SLC8A1: variants seen among roughly 807,000 people sequenced by gnomAD.
SLC8A1 encodes solute carrier family 8 member A1.
In SLC8A1, 18 loss-of-function variants were observed where a neutral mutation model predicts 68.3. The ratio of observed to expected loss-of-function variants is 0.26; its 90% CI spans 0.18 to 0.39. SLC8A1 has a LOEUF of 0.39. Among genes scored for constraint, SLC8A1 ranks in the 10% least tolerant of loss-of-function variants. The probability of loss-of-function intolerance (pLI) is 1.00; values close to 1 mark genes in which losing one functional copy is unlikely to be tolerated. For missense variants in SLC8A1, 985 were observed against 1,156.7 expected, an observed-to-expected ratio of 0.85 and a Z score of 2.15; for synonymous variants, 475 against 415.5, an observed-to-expected ratio of 1.14 and a Z score of -1.74.
chr2:40,339,341 G>C (rs1047828801), intron 2 of SLC8A1, among the ~76,000 whole-genome samples: 4 of 152,118 alleles, frequency 2.6e-5, no homozygotes, highest in African/African-American at 4.8e-5. Context: ...TCTAGATAGC[G>C]GCAGGAGGAA....
intron 2 of SLC8A1, chr2:40,254,878 C>G (rs1442856119): frequency 6.6e-6 from 1 of 152,136 alleles, no homozygotes; most frequent in African/African-American, 2.4e-5. Flanking sequence ...CAGGCAATTA[C>G]ATCAAAGAGT....
intron 1 of SLC8A1, among the ~76,000 whole-genome samples, chr2:40,468,508 C>T (rs934882147): frequency 1.3e-5 from 2 of 152,046 alleles, no homozygotes; most frequent in African/African-American, 2.4e-5. Flanking sequence ...TAGATTATTA[C>T]AATTCTCTAT....
At chr2:40,308,966 A>T (rs1314085355) in intron 2 of SLC8A1, among the ~76,000 whole-genome samples, 1 of 152,174 alleles carries the variant, frequency 6.6e-6, no homozygotes, top group East Asian at 1.9e-4. Context: ...TCCTGTGGAC[A>T]GTTGGTCTCC....
At chr2:40,164,980 T>G (rs769786310) in exon 5 of SLC8A1, 1 of 1,613,720 alleles carries the variant, frequency 6.2e-7, no homozygotes, top group Non-Finnish European at 8.5e-7. Context: ...TGTCATCATA[T>G]TCGTCTGTGA....
chr2:40,213,603 A>G (rs922283410), intron 2 of SLC8A1: 1 of 152,256 alleles, frequency 6.6e-6, no homozygotes, highest in Non-Finnish European at 1.5e-5. Context: ...TCATTTCTTC[A>G]CAATTATGCT....
At chr2:40,330,030 T>C (rs1393861707) in intron 2 of SLC8A1, among the ~76,000 whole-genome samples, 1 of 152,196 alleles carries the variant, frequency 6.6e-6, no homozygotes, top group East Asian at 1.9e-4. Flanking sequence ...CTAATGTTTC[T>C]AACTAAAAAC....
intron 2 of SLC8A1, among the ~76,000 whole-genome samples, chr2:40,265,530 G>C (rs23055): frequency 0.78 from 119,107 of 152,108 alleles, 46,874 homozygotes; most frequent in South Asian, 0.87. Context: ...TAAAACTGAT[G>C]AGAAAGATCC....
At chr2:40,243,447 TACTC>T (rs1319750847) in intron 2 of SLC8A1, among the ~76,000 whole-genome samples, 1 of 152,166 alleles carries the variant, frequency 6.6e-6, no homozygotes, top group East Asian at 1.9e-4. Context: ...CACCCCACTG[TACTC>T]CAACCTTGGT....
At chr2:40,490,518 G>A (rs372542037) in intron 1 of SLC8A1, among the ~76,000 whole-genome samples, 12 of 152,156 alleles carry the variant, frequency 7.9e-5, no homozygotes, top group Non-Finnish European at 1.3e-4. Context: ...AAGTTTCGAG[G>A]AAACAAAAGT....
At chr2:40,131,197 A>T (rs2039260943) in intron 7 of SLC8A1, among the ~76,000 whole-genome samples, 1 of 152,144 alleles carries the variant, frequency 6.6e-6, no homozygotes, top group African/African-American at 2.4e-5. Flanking sequence ...TGGGGATGTC[A>T]TACATCTAGT....
At chr2:40,256,443 A>G (rs568545653) in intron 2 of SLC8A1, among the ~76,000 whole-genome samples, 79 of 152,366 alleles carry the variant, frequency 5.2e-4, no homozygotes, top group African/African-American at 1.8e-3. Flanking sequence ...GACAAAAAAA[A>G]TGCCAGAAGG....
At chr2:40,165,463 A>C (rs1347149463) in intron 4 of SLC8A1, among the ~76,000 whole-genome samples, 1 of 152,162 alleles carries the variant, frequency 6.6e-6, no homozygotes, top group African/African-American at 2.4e-5. Flanking sequence ...CCTGAGGCCC[A>C]AAGAGATGGG....
At chr2:40,393,882 A>G (rs923591590) in intron 2 of SLC8A1, among the ~76,000 whole-genome samples, 2 of 152,090 alleles carry the variant, frequency 1.3e-5, no homozygotes, top group African/African-American at 4.8e-5. Context: ...TTTTATGCCT[A>G]TTACCCTTTT....
chr2:40,407,483 C>A (rs961055564), intron 2 of SLC8A1, among the ~76,000 whole-genome samples: 3 of 152,164 alleles, frequency 2.0e-5, no homozygotes, highest in Non-Finnish European at 4.4e-5. Context: ...TGGTAGTTTT[C>A]TGTCTTCCTG....
intron 1 of SLC8A1, among the ~76,000 whole-genome samples, chr2:40,434,714 C>T (rs150942748): frequency 3.3e-5 from 5 of 152,270 alleles, no homozygotes; most frequent in African/African-American, 1.2e-4. Flanking sequence ...GAGACTTTAG[C>T]ACAGTATCAA....
At chr2:40,314,570 T>C (rs991127467) in intron 2 of SLC8A1, among the ~76,000 whole-genome samples, 3 of 152,028 alleles carry the variant, frequency 2.0e-5, no homozygotes, top group African/African-American at 7.2e-5. Flanking sequence ...TGGAATTACA[T>C]TGAATCTCTA....
chr2:40,325,811 G>A (rs2075761939), intron 2 of SLC8A1, among the ~76,000 whole-genome samples: 1 of 147,432 alleles, frequency 6.8e-6, no homozygotes, highest in Non-Finnish European at 1.5e-5. Flanking sequence ...AAAAGTAGCT[G>A]AGCGTGGTGG....
intron 2 of SLC8A1, among the ~76,000 whole-genome samples, chr2:40,401,015 G>C (rs961867372): frequency 6.6e-6 from 1 of 152,186 alleles, no homozygotes; most frequent in African/African-American, 2.4e-5. Context: ...TCTTGTATTT[G>C]CATGGTGTTT....
chr2:40,182,725 A>G (rs551552858), intron 2 of SLC8A1, among the ~76,000 whole-genome samples: 33 of 152,354 alleles, frequency 2.2e-4, no homozygotes, highest in African/African-American at 7.2e-4. Flanking sequence ...CAGAAAAGAA[A>G]GAAAGATGTG....
Sources: gnomAD v4.1 joint callset for allele counts (sites outside exome capture counted in the v4.1 genomes callset) on GRCh38, gnomAD v4.1.1 for gene constraint, MANE v1.5 for transcripts, NCBI Gene and HGNC (gene_info 2026-07-23, HGNC 2026-07-21) for gene names.